The following TANGO6 variants were observed in gnomAD, a reference collection of about 807,000 sequenced individuals.
TANGO6 encodes transport and Golgi organization protein 6 homolog.
TANGO6 carries 90 observed loss-of-function variants against 114.2 expected under a neutral mutation model. That is an observed-to-expected ratio of 0.79 (90% CI 0.66 to 0.94). TANGO6 has a LOEUF of 0.94. TANGO6 is among the 40% of genes least tolerant of loss of function. TANGO6 has a pLI of 0.00. For synonymous variants in TANGO6, 477 were observed against 509.8 expected (o/e 0.94, Z 0.87); for missense variants, 1,274 against 1,315.3 (o/e 0.97, Z 0.49).
At chr16:69,029,484 T>G (rs562814794) in intron 16 of TANGO6, among the ~76,000 whole-genome samples, 2 of 152,282 alleles carry the variant, frequency 1.3e-5, no homozygotes, top group East Asian at 3.9e-4. Context: ...CTCTTCAAAA[T>G]ACACAGTGAT....
At chr16:69,039,102 G>C (rs142280265) in intron 16 of TANGO6, among the ~76,000 whole-genome samples, 27 of 152,080 alleles carry the variant, frequency 1.8e-4, no homozygotes, top group African/African-American at 6.0e-4. Context: ...GGAGAATGGC[G>C]TGAACCCGGG....
intron 6 of TANGO6, among the ~76,000 whole-genome samples, chr16:68,879,426 G>A (rs758523645): frequency 1.3e-5 from 2 of 152,120 alleles, no homozygotes; most frequent in Non-Finnish European, 2.9e-5. Context: ...AGGTTGCAGT[G>A]AGCCATGATC....
rs974581190 is a variant in TANGO6, at chr16:68,862,992, C to T, written c.783C>T (p.Asp261=). 1.2e-6 allele frequency: 2 copies of T among 1,601,020 alleles called. No homozygotes were observed. Among genetic ancestry groups the T allele is most frequent in the Non-Finnish European group, 1.7e-6 (2 of 1,173,938 alleles). Residue 261 remains aspartate, a synonymous_variant, in exon 3 of 18, where the codon GAC becomes GAT. Transcript: ENST00000261778. ...CCCTATCCAGGGGGGCCTTGAGAGA[C>T]ATGCTGGATCAAGTCTATCAGCCCT... ...ERTLSRGALR[D]MLDQVYQPLA... is the part of the protein sequence containing the mutation.
chr16:68,884,931 G>C (rs1258939417), intron 7 of TANGO6, among the ~76,000 whole-genome samples: 1 of 152,192 alleles, frequency 6.6e-6, no homozygotes, highest in East Asian at 1.9e-4. Flanking sequence ...TATGCACCAA[G>C]GATTGGCACT....
At chr16:69,055,129 C>T (rs966233164) in intron 17 of TANGO6, among the ~76,000 whole-genome samples, 1 of 152,016 alleles carries the variant, frequency 6.6e-6, no homozygotes, top group East Asian at 1.9e-4. Flanking sequence ...TCATTCTTCC[C>T]TCTTTATCAA....
intron 13 of TANGO6, 29 bp from the exon 14 acceptor site, chr16:68,930,209 C>G: frequency 6.5e-7 from 1 of 1,544,674 alleles, no homozygotes. Flanking sequence ...CTTTGTAAAT[C>G]TTATCACTGC....
At chr16:68,939,112 CA>C (rs920423810) in intron 14 of TANGO6, among the ~76,000 whole-genome samples, 5 of 136,306 alleles carry the variant, frequency 3.7e-5, no homozygotes, top group African/African-American at 8.1e-5. Context: ...ATAACAACAA[CA>C]AAAAAAACCT....
At position 68,927,620 on chromosome 16, in the gene TANGO6, A is replaced by G. The variant is rs1963183587; in HGVS notation, c.2180A>G (p.Lys727Arg). The change falls in exon 13 of 18, where the codon AAG becomes AGG. Residue 727 changes from lysine (K) to arginine (R), a missense_variant. Physicochemically the swap from Lys to Arg is conservative, Grantham distance 26 (BLOSUM62 2). Transcript: ENST00000261778. ...AAGCAGTTGTTGCCTCTGTTGGAGA[A>G]GGTATCCAACACATACCCTGATCCG... ...VLKQLLPLLEKVSNTYPDPVI... is the reference protein window; with the variant it reads ...VLKQLLPLLERVSNTYPDPVI... 2 of 1,613,932 alleles carry G rather than the reference A, an allele frequency of 1.2e-6. No homozygotes were observed. Among genetic ancestry groups the G allele is most frequent in the Middle Eastern group, 1.6e-4 (1 of 6,062 alleles).
intron 15 of TANGO6, among the ~76,000 whole-genome samples, chr16:68,999,921 CA>C (rs1188037162): frequency 1.3e-5 from 2 of 152,134 alleles, no homozygotes; most frequent in South Asian, 2.1e-4. Context: ...CCAAAGTTAT[CA>C]GAGATGTATA....
At chr16:68,844,455 G>A (rs1025390756) in intron 1 of TANGO6, among the ~76,000 whole-genome samples, 11 of 152,130 alleles carry the variant, frequency 7.2e-5, no homozygotes. Context: ...GTTATCTGGA[G>A]CTTTTGGAAA....
chr16:69,032,738 C>G (rs137990465), intron 16 of TANGO6, among the ~76,000 whole-genome samples: 3 of 151,994 alleles, frequency 2.0e-5, no homozygotes, highest in Non-Finnish European at 2.9e-5. Context: ...ATTAGTTGGG[C>G]ATGGTGGCAG....
chr16:68,848,456 C>T (rs1961849982), intron 1 of TANGO6, among the ~76,000 whole-genome samples: 1 of 151,948 alleles, frequency 6.6e-6, no homozygotes, highest in South Asian at 2.1e-4. Flanking sequence ...AAAATGATCT[C>T]ATATGCCACA....
intron 15 of TANGO6, among the ~76,000 whole-genome samples, chr16:69,009,362 T>TG (rs1456114270): frequency 6.6e-6 from 1 of 152,208 alleles, no homozygotes; most frequent in East Asian, 1.9e-4. Flanking sequence ...ATTACAGGCG[T>TG]GAGCCACTGC....
chr16:69,057,330 A>G (rs1413262139), intron 17 of TANGO6, among the ~76,000 whole-genome samples: 4 of 152,170 alleles, frequency 2.6e-5, no homozygotes, highest in African/African-American at 9.7e-5. Context: ...CAGCACTTAT[A>G]TCTGTGTGCT....
At chr16:68,906,896 C>T (rs185217582) in intron 9 of TANGO6, among the ~76,000 whole-genome samples, 22 of 151,390 alleles carry the variant, frequency 1.5e-4, no homozygotes, top group African/African-American at 4.6e-4. Context: ...TGGGTTCAAG[C>T]GATTCTCCTG....
chr16:69,029,829 C>A (rs569155790), intron 16 of TANGO6, among the ~76,000 whole-genome samples: 1 of 151,904 alleles, frequency 6.6e-6, no homozygotes, highest in Admixed American at 6.6e-5. Flanking sequence ...AAGAACAGGC[C>A]GGGTGTGGTG....
intron 14 of TANGO6, among the ~76,000 whole-genome samples, chr16:68,959,956 T>G (rs752376473): frequency 8.5e-5 from 13 of 152,224 alleles, no homozygotes; most frequent in Non-Finnish European, 1.8e-4. Flanking sequence ...ACCACCCATC[T>G]CAGGGCTTTC....
At chr16:68,938,994 C>T (rs1258308767) in intron 14 of TANGO6, among the ~76,000 whole-genome samples, 4 of 149,808 alleles carry the variant, frequency 2.7e-5, no homozygotes, top group African/African-American at 9.8e-5. Flanking sequence ...GTCTTTTGAG[C>T]CCAGGAGGTC....
intron 1 of TANGO6, among the ~76,000 whole-genome samples, chr16:68,845,814 C>T (rs544059131): frequency 1.3e-4 from 19 of 151,904 alleles, no homozygotes; most frequent in Admixed American, 9.8e-4. Context: ...TAGTGTGCTC[C>T]GGCCTTGGGT....
Sources: gnomAD v4.1 joint callset for allele counts (sites outside exome capture counted in the v4.1 genomes callset) on GRCh38, gnomAD v4.1.1 for gene constraint, MANE v1.5 for transcripts, NCBI Gene and HGNC (gene_info 2026-07-23, HGNC 2026-07-21) for gene names.